The following HDAC8 variants were observed in gnomAD, a reference collection of about 807,000 sequenced individuals.
HDAC8 encodes histone deacetylase 8.
In HDAC8, 1 loss-of-function variant was observed where a neutral mutation model predicts 32.2. The observed-to-expected ratio is 0.03, with a 90% CI of 0.01 to 0.15. The LOEUF is 0.15. HDAC8 is among the 10% of genes least tolerant of loss of function. HDAC8 has a pLI of 1.00. For synonymous variants in HDAC8, 108 were observed against 113.9 expected (o/e 0.95, Z 0.33); for missense variants, 117 against 300.0 (o/e 0.39, Z 4.51).
intron 4 of HDAC8, among the ~76,000 whole-genome samples, chrX:72,548,799 A>G (rs1313275147): frequency 3.6e-5 from 4 of 111,320 alleles, no homozygotes; most frequent in Admixed American, 1.9e-4. Context: ...CCTCCTGAGT[A>G]GCTAGGACTA....
intron 4 of HDAC8, among the ~76,000 whole-genome samples, chrX:72,563,852 C>T (rs1455570005): frequency 3.6e-5 from 4 of 111,480 alleles, no homozygotes; most frequent in Admixed American, 2.9e-4. Flanking sequence ...AACTGAGTAC[C>T]ATCTTTTTCA....
At chrX:72,486,199 C>A (rs67577037) in intron 7 of HDAC8, among the ~76,000 whole-genome samples, 26,291 of 111,807 alleles carry the variant, frequency 0.24, 5,381 homozygotes, top group East Asian at 0.73. Context: ...AGCCATTCCT[C>A]TGTGTAATAT....
At chrX:72,481,634 C>T (rs1213146578) in intron 7 of HDAC8, among the ~76,000 whole-genome samples, 2 of 108,201 alleles carry the variant, frequency 1.8e-5, no homozygotes, top group African/African-American at 6.8e-5. Flanking sequence ...GACAGAGTCT[C>T]ACTCTGTCAT....
At chrX:72,378,176 C>T (rs782319277) in intron 9 of HDAC8, among the ~76,000 whole-genome samples, 69 of 110,960 alleles carry the variant, frequency 6.2e-4, no homozygotes, top group African/African-American at 2.1e-3. Flanking sequence ...CACCAAAACT[C>T]ATTTAAAACT....
intron 9 of HDAC8, among the ~76,000 whole-genome samples, chrX:72,430,017 A>G (rs782462710): frequency 1.1e-3 from 119 of 112,517 alleles, no homozygotes; most frequent in Admixed American, 2.5e-3. Flanking sequence ...TTTCTTGTGA[A>G]TGTATTAAGG....
intron 9 of HDAC8, among the ~76,000 whole-genome samples, chrX:72,355,994 C>G (rs1472406366): frequency 8.9e-6 from 1 of 112,275 alleles, no homozygotes; most frequent in African/African-American, 3.2e-5. Context: ...ACACGTATTA[C>G]AAGCTTATTA....
intron 9 of HDAC8, among the ~76,000 whole-genome samples, chrX:72,358,038 G>T (rs1225609080): frequency 9.1e-6 from 1 of 109,980 alleles, no homozygotes; most frequent in African/African-American, 3.3e-5. Flanking sequence ...CCGAGTAGCT[G>T]GGATTATAGG....
At chrX:72,435,840 T>C (rs1237830786) in intron 9 of HDAC8, among the ~76,000 whole-genome samples, 1 of 111,226 alleles carries the variant, frequency 9.0e-6, no homozygotes, top group African/African-American at 3.3e-5. Context: ...TGGTGGCACA[T>C]GCCTATAATC....
At chrX:72,480,491 A>G (rs1556002603) in intron 7 of HDAC8, 1 of 314,514 alleles carries the variant, frequency 3.2e-6, no homozygotes, top group Admixed American at 3.3e-5. Context: ...ATTGTGGAAG[A>G]CAGTGTTGCG....
intron 4 of HDAC8, among the ~76,000 whole-genome samples, chrX:72,535,196 G>A (rs1002809341): frequency 9.0e-6 from 1 of 111,715 alleles, no homozygotes; most frequent in Admixed American, 9.5e-5. Flanking sequence ...TTCTACTGTC[G>A]CTTCATTAAA....
intron 4 of HDAC8, among the ~76,000 whole-genome samples, chrX:72,523,980 C>T (rs1556030242): frequency 9.0e-6 from 1 of 111,563 alleles, no homozygotes; most frequent in African/African-American, 3.3e-5. Flanking sequence ...GCAAACTAGC[C>T]CACAGGCCAA....
At chrX:72,549,368 T>C (rs369353706) in intron 4 of HDAC8, among the ~76,000 whole-genome samples, 131 of 111,159 alleles carry the variant, frequency 1.2e-3, no homozygotes, top group African/African-American at 4.1e-3. Flanking sequence ...TTAGTTTTAA[T>C]ACAATCTATA....
intron 9 of HDAC8, among the ~76,000 whole-genome samples, chrX:72,405,846 A>T (rs191575508): frequency 3.6e-5 from 4 of 111,801 alleles, no homozygotes; most frequent in Admixed American, 9.5e-5. Context: ...AGCTTCATTG[A>T]GGTTTTTAAT....
chrX:72,493,823 A>G (rs1212948465), intron 5 of HDAC8, among the ~76,000 whole-genome samples: 2 of 111,102 alleles, frequency 1.8e-5, no homozygotes, highest in Non-Finnish European at 3.8e-5. Flanking sequence ...CAGCTTCCTA[A>G]GTAGCTAGGA....
intron 4 of HDAC8, among the ~76,000 whole-genome samples, chrX:72,515,317 C>T (rs2049757959): frequency 9.0e-6 from 1 of 110,894 alleles, no homozygotes; most frequent in Non-Finnish European, 1.9e-5. Flanking sequence ...TAGCCTAATG[C>T]CCTCCAGGTT....
chrX:72,468,146 C>T, intron 7 of HDAC8: 1 of 706,386 alleles, frequency 1.4e-6, no homozygotes, highest in Non-Finnish European at 2.0e-6. Flanking sequence ...AAATTCAAGA[C>T]TGGAAGTTTT....
intron 9 of HDAC8, among the ~76,000 whole-genome samples, chrX:72,377,668 C>T (rs1273543989): frequency 1.8e-5 from 2 of 112,088 alleles, no homozygotes; most frequent in Non-Finnish European, 3.8e-5. Flanking sequence ...TATCTTTTGC[C>T]ATCCTTTTAC....
At chrX:72,442,692 C>T (rs1225876284) in intron 9 of HDAC8, among the ~76,000 whole-genome samples, 1 of 111,676 alleles carries the variant, frequency 9.0e-6, no homozygotes, top group Non-Finnish European at 1.9e-5. Flanking sequence ...ACAATATTAA[C>T]TTTAAATGTA....
chrX:72,443,448 C>T (rs1289024108), intron 9 of HDAC8, among the ~76,000 whole-genome samples: 4 of 110,705 alleles, frequency 3.6e-5, no homozygotes, highest in Non-Finnish European at 5.7e-5. Flanking sequence ...GGGTACATAA[C>T]GAAATGAAGG....
Sources: allele counts gnomAD v4.1 joint callset (sites outside exome capture counted in the v4.1 genomes callset), GRCh38; gene constraint gnomAD v4.1.1; transcripts MANE v1.5; gene names NCBI Gene and HGNC (gene_info 2026-07-23, HGNC 2026-07-21).